CNTLN: variants seen among roughly 807,000 people sequenced by gnomAD.
CNTLN encodes the protein centlein.
In CNTLN, 212 loss-of-function variants were observed where a neutral mutation model predicts 180.0. That is an observed-to-expected ratio of 1.18 (90% CI 1.05 to 1.32). The LOEUF (loss-of-function observed/expected upper bound fraction) is 1.32, where lower values mean the gene tolerates loss of function less well. CNTLN is among the 40% of genes most tolerant of loss of function. CNTLN has a pLI of 0.00. For missense variants in CNTLN, 2,095 were observed against 1,610.9 expected (o/e 1.30, Z -5.14); for synonymous variants, 722 against 563.1 (o/e 1.28, Z -3.99).
intron 2 of CNTLN, among the ~76,000 whole-genome samples, chr9:17,225,742 T>G (rs1824424930): frequency 6.6e-6 from 1 of 152,016 alleles, no homozygotes; most frequent in Non-Finnish European, 1.5e-5. Context: ...TTAATAGTAT[T>G]CTCAGAGACT....
chr9:17,382,610 C>A (rs558145654), intron 13 of CNTLN, among the ~76,000 whole-genome samples: 94 of 152,224 alleles, frequency 6.2e-4, no homozygotes, highest in Non-Finnish European at 1.2e-3. Context: ...ATACCTAGTA[C>A]CTAAACATTT....
At chr9:17,463,960 G>C (rs1024021502) in intron 20 of CNTLN, among the ~76,000 whole-genome samples, 1 of 151,440 alleles carries the variant, frequency 6.6e-6, no homozygotes, top group Non-Finnish European at 1.5e-5. Flanking sequence ...AGCAGCAGTA[G>C]CAGTGGTTCT....
At chr9:17,459,267 G>A (rs1039819951) in intron 19 of CNTLN, among the ~76,000 whole-genome samples, 2 of 151,714 alleles carry the variant, frequency 1.3e-5, no homozygotes, top group Non-Finnish European at 3.0e-5. Flanking sequence ...AGATCCATAT[G>A]AGTGTCTGTA....
In CNTLN at chr9:17,463,460, T is replaced by C. The variant is rs144530101; in HGVS notation, c.3404+447T>C. The stretch of plus-strand genomic sequence containing the variant: ...ACTCTTGTGTTTATCAGTACAAAGA[T>C]TTTAAATGCTCTATCCCACTGAATC... On this transcript the variant is annotated intron_variant, in intron 20 of 25. Coordinates refer to ENST00000380647, the MANE Select transcript of CNTLN (RefSeq NM_017738.4). Among the ~76,000 whole-genome samples, 844 of 151,712 alleles carry C rather than the reference T, an allele frequency of 5.6e-3. 10 individuals carry two copies. The highest frequency in any genetic ancestry group is 0.019 in the African/African-American group (782 of 41,494).
chr9:17,369,720 C>T (rs781319400), intron 13 of CNTLN, among the ~76,000 whole-genome samples: 7 of 151,736 alleles, frequency 4.6e-5, no homozygotes, highest in African/African-American at 9.7e-5. Context: ...GGTGTGGTGG[C>T]TCATGCCTGT....
At chr9:17,495,362 A>G (rs1344632655) in intron 25 of CNTLN, among the ~76,000 whole-genome samples, 1 of 152,128 alleles carries the variant, frequency 6.6e-6, no homozygotes, top group Non-Finnish European at 1.5e-5. Context: ...CAGTGGGACA[A>G]GATGTGGAGG....
At chr9:17,136,194 A>C (rs1347715781) in intron 1 of CNTLN, among the ~76,000 whole-genome samples, 1 of 152,186 alleles carries the variant, frequency 6.6e-6, no homozygotes, top group Admixed American at 6.5e-5. Flanking sequence ...TTTTGATTTT[A>C]CCAGAACCTT....
chr9:17,459,785 T>C (rs959380545), intron 19 of CNTLN, among the ~76,000 whole-genome samples: 3 of 151,670 alleles, frequency 2.0e-5, no homozygotes, highest in Non-Finnish European at 4.4e-5. Flanking sequence ...ATTTCCCTTT[T>C]TATAAAGGCA....
intron 5 of CNTLN, among the ~76,000 whole-genome samples, chr9:17,265,550 G>A (rs1168568880): frequency 6.6e-6 from 1 of 152,118 alleles, no homozygotes; most frequent in African/African-American, 2.4e-5. Context: ...GATGATGCTG[G>A]CCTCATAAAA....
intron 25 of CNTLN, among the ~76,000 whole-genome samples, chr9:17,488,019 A>G (rs918101606): frequency 2.6e-5 from 4 of 152,146 alleles, no homozygotes; most frequent in Admixed American, 6.6e-5. Flanking sequence ...AAATACCCCA[A>G]AAATTGTCCT....
intron 12 of CNTLN, among the ~76,000 whole-genome samples, chr9:17,359,337 TA>T (rs1823108470): frequency 6.6e-6 from 1 of 151,876 alleles, no homozygotes; most frequent in African/African-American, 2.4e-5. Context: ...AAACCAGGCA[TA>T]AAAAGCACTA....
chr9:17,478,981 C>T (rs1297343802), intron 23 of CNTLN, among the ~76,000 whole-genome samples: 2 of 152,138 alleles, frequency 1.3e-5, no homozygotes, highest in Non-Finnish European at 2.9e-5. Flanking sequence ...AAATGCGAAT[C>T]AATGCCACAG....
intron 18 of CNTLN, among the ~76,000 whole-genome samples, chr9:17,456,369 A>C (rs759000950): frequency 6.6e-6 from 1 of 152,170 alleles, no homozygotes; most frequent in Non-Finnish European, 1.5e-5. Flanking sequence ...AATATAGCCA[A>C]ATAGTTTTTT....
intron 5 of CNTLN, among the ~76,000 whole-genome samples, chr9:17,272,687 A>C (rs1828035489): frequency 1.3e-5 from 2 of 152,116 alleles, no homozygotes; most frequent in African/African-American, 4.8e-5. Context: ...TCCAGACCAT[A>C]GTCATAATCT....
intron 15 of CNTLN, among the ~76,000 whole-genome samples, chr9:17,408,793 T>G (rs572567093): frequency 0.063 from 6,222 of 98,776 alleles, 161 homozygotes; most frequent in South Asian, 0.23. Flanking sequence ...AGAGCGAGAC[T>G]CTGTCTTAAA....
intron 23 of CNTLN, among the ~76,000 whole-genome samples, chr9:17,481,179 G>A (rs1045835629): frequency 3.3e-5 from 5 of 152,176 alleles, no homozygotes; most frequent in African/African-American, 1.2e-4. Flanking sequence ...CCTGGCTATA[G>A]AGCTCAGCCC....
At chr9:17,165,280 G>A (rs1819989429) in intron 2 of CNTLN, among the ~76,000 whole-genome samples, 2 of 152,044 alleles carry the variant, frequency 1.3e-5, no homozygotes, top group African/African-American at 4.8e-5. Flanking sequence ...TAAATGTGAT[G>A]GGTTAAGCAT....
At position 17,466,723 on chromosome 9, in the gene CNTLN, C is replaced by T; in HGVS notation, c.3687C>T (p.Leu1229=). Residue 1229 remains leucine (L), a synonymous_variant, in exon 23 of 26, where the codon CTC becomes CTT. Coordinates refer to ENST00000380647, the MANE Select transcript of CNTLN (RefSeq NM_017738.4). Reference sequence around the variant, plus strand: ...TTTTGCAGGATCTCAAGCTTACTCTCCTAGTATCAAGAATAAGTGAGACTG... The same window carrying T: ...TTTTGCAGGATCTCAAGCTTACTCTTCTAGTATCAAGAATAAGTGAGACTG... ...ELEKKDLKLT[L]LVSRISETES... 3 of 1,609,330 alleles carry T rather than the reference C, an allele frequency of 1.9e-6. No homozygotes were observed. The highest frequency in any genetic ancestry group is 1.1e-5 in the South Asian group (1 of 90,744).
intron 2 of CNTLN, among the ~76,000 whole-genome samples, chr9:17,213,521 A>G (rs1823489435): frequency 6.6e-6 from 1 of 152,226 alleles, no homozygotes; most frequent in Admixed American, 6.5e-5. Flanking sequence ...GCTGAGAAGC[A>G]TGTATATTCT....
Sources: gnomAD v4.1 joint callset for allele counts (sites outside exome capture counted in the v4.1 genomes callset) on GRCh38, gnomAD v4.1.1 for gene constraint, MANE v1.5 for transcripts, NCBI Gene and HGNC (gene_info 2026-07-23, HGNC 2026-07-21) for gene names.